Variants in MAP3K9 observed in about 807,000 individuals in gnomAD.
MAP3K9 encodes the protein mitogen-activated protein kinase kinase kinase 9.
MAP3K9 carries 46 observed loss-of-function variants against 95.8 expected under a neutral mutation model. That is an observed-to-expected ratio of 0.48 (90% confidence interval 0.38 to 0.61). The LOEUF (loss-of-function observed/expected upper bound fraction) is 0.61, where lower values mean the gene tolerates loss of function less well. Ranked by LOEUF, MAP3K9 falls within the 20% of genes least tolerant of loss-of-function variation. MAP3K9 has a pLI of 0.00. For missense variants in MAP3K9, 1,296 were observed against 1,474.3 expected (o/e 0.88, Z 1.98); for synonymous variants, 533 against 593.8 (o/e 0.90, Z 1.49).
intron 7 of MAP3K9, 113 bp downstream of exon 7, chr14:70,739,929 G>A: frequency 1.2e-6 from 2 of 1,614,048 alleles, no homozygotes; most frequent in Non-Finnish European, 1.7e-6. Flanking sequence ...TTGTCGAGGA[G>A]AGGTGGCAGA....
Position 70,800,874 on chromosome 14 carries a change from C to A in MAP3K9, c.613G>T (p.Ala205Ser). 2 of 1,614,186 alleles carry A rather than the reference C, an allele frequency of 1.2e-6. No homozygotes were observed. The highest frequency in any genetic ancestry group is 2.2e-5 in the South Asian group (2 of 91,086). The change falls in exon 2 of 12, where the codon GCC becomes TCC. Residue 205 changes from alanine (A) to serine (S), a missense_variant. Physicochemically the swap from Ala to Ser is moderately conservative, Grantham distance 99. Around this residue, in one of 5 missense-constraint regions of MAP3K9, gnomAD observed 338 missense variants for 363.4 expected, o/e 0.93. Coordinates refer to ENST00000554752, the MANE Select transcript of MAP3K9 (RefSeq NM_001284230.2). Reference sequence around the variant, plus strand: ...TCCTTCAGACATACCCCTCTTAGGGCAATGATGTTGGGGTGCTTCAGCATG... The same window carrying A: ...TCCTTCAGACATACCCCTCTTAGGGAAATGATGTTGGGGTGCTTCAGCATG... Reference protein sequence around the residue: ...FAMLKHPNIIALRGVCLKEPN... With the variant: ...FAMLKHPNIISLRGVCLKEPN...
chr14:70,761,849 C>G (rs2054380009), intron 2 of MAP3K9, among the ~76,000 whole-genome samples: 1 of 152,206 alleles, frequency 6.6e-6, no homozygotes, highest in African/African-American at 2.4e-5. Flanking sequence ...CAACTACCAC[C>G]TGTCTAGTTC....
At chr14:70,772,077 A>C (rs2139807225) in intron 2 of MAP3K9, among the ~76,000 whole-genome samples, 1 of 152,198 alleles carries the variant, frequency 6.6e-6, no homozygotes, top group Non-Finnish European at 1.5e-5. Context: ...CAAATGATTC[A>C]CCACCTAGAC....
Position 70,730,352 on chromosome 14 carries a change from C to T in MAP3K9, c.*28G>A, listed in dbSNP as rs746461722. On this transcript the variant is annotated 3_prime_UTR_variant, in exon 12 of 12. Coordinates refer to ENST00000554752, the MANE Select transcript of MAP3K9 (RefSeq NM_001284230.2). ...GCTCCCCTCATCTCCGCTGGCTGTC[C>T]CCCTTGCCCGCCCCAATCCTTTTCG... 1.9e-6 allele frequency: 3 copies of T among 1,582,546 alleles called. No individual in the cohort carries two copies. The highest frequency in any genetic ancestry group is 2.6e-6 in the Non-Finnish European group (3 of 1,158,930).
chr14:70,732,576 G>A lies in MAP3K9; in HGVS notation c.2793C>T (p.Ser931=), dbSNP rs748359666. The change falls in exon 11 of 12, where the codon AGC becomes AGT. Residue 931 remains serine (S), a synonymous_variant. Coordinates refer to ENST00000554752, the MANE Select transcript of MAP3K9 (RefSeq NM_001284230.2). ...LKPETLLASR[S]PSSNGLSPSP... ...TGGGGCTCAACCCATTGCTGGAGGG[G>A]CTCCTGCTGGCTAGGAGAGTCTCTG... 6.3e-7 allele frequency: 1 copy of A among 1,599,958 alleles called. No individual in the cohort carries two copies. The highest frequency in any genetic ancestry group is 1.7e-5 in the Admixed American group (1 of 58,158).
In MAP3K9 at chr14:70,742,494, C is replaced by T. The variant is rs752943272; in HGVS notation, c.1424G>A (p.Arg475Gln). ...LRRREQELAE[R>Q]EIDILERELN... ...CTCCCGTTCCAGGATGTCAATCTCC[C>T]GCTCGGCCAGCTCCTGCTCCCGACG... The change falls in exon 6 of 12, where the codon CGG (arginine) becomes CAG (glutamine). Residue 475 changes from arginine to glutamine, a missense_variant. Arg to Gln is a conservative substitution (Grantham distance 43). Around this residue, in one of 5 missense-constraint regions of MAP3K9, gnomAD observed 377 missense variants for 417.1 expected, o/e 0.90. Transcript: ENST00000554752. 5 of 1,614,202 alleles carry T rather than the reference C, an allele frequency of 3.1e-6. 1 individual carries two copies. Among genetic ancestry groups the T allele is most frequent in the South Asian group, 2.2e-5 (2 of 91,080 alleles).
intron 2 of MAP3K9, among the ~76,000 whole-genome samples, chr14:70,779,409 G>A (rs1040545325): frequency 6.6e-6 from 1 of 152,188 alleles, no homozygotes; most frequent in African/African-American, 2.4e-5. Context: ...CTCAAGTACT[G>A]GGGATGGAAA....
chr14:70,808,780 T>TAGC lies in MAP3K9; in HGVS notation c.389_391dup (p.Cys130dup). 2 of 1,395,178 alleles carry TAGC rather than the reference T, an allele frequency of 1.4e-6. No individual in the cohort carries two copies. Among genetic ancestry groups the TAGC allele is most frequent in the Non-Finnish European group, 1.9e-6 (2 of 1,053,458 alleles). 86.4% of individuals were successfully genotyped at this position (1,395,178 alleles called of 1,614,324 possible). Reference sequence around the variant, plus strand: ...CTTCGCCTTACACTGAATGGGCGGGTAGCAACTGGGGTCCTCGCCGCCGGG... The same window carrying TAGC: ...CTTCGCCTTACACTGAATGGGCGGGTAGCAGCAACTGGGGTCCTCGCCGCCGGG... On this transcript the variant is annotated inframe_insertion, in exon 1 of 12. Coordinates refer to ENST00000554752, the MANE Select transcript of MAP3K9 (RefSeq NM_001284230.2).
rs1041278831 is a variant in MAP3K9 at position 70,727,681 on chromosome 14, G to A, written c.*2699C>T. 1.4e-4 allele frequency: 21 copies of A among 152,354 alleles called. No homozygotes were observed. Among genetic ancestry groups the A allele is most frequent in the African/African-American group, 4.6e-4 (19 of 41,450 alleles). The allele number at this position is 152,354 out of a possible 1,614,324, so 9.4% of individuals were successfully genotyped here. On this transcript the variant is annotated 3_prime_UTR_variant, in exon 12 of 12. Transcript: ENST00000554752. ...CAGTCAGGGGCCCATCAGAGACCAG[G>A]TGTGTAGGAGCTGAGAGATGGTAAC...
At chr14:70,735,195 C>T (rs541994453) in intron 9 of MAP3K9, among the ~76,000 whole-genome samples, 5 of 152,070 alleles carry the variant, frequency 3.3e-5, no homozygotes, top group Non-Finnish European at 5.9e-5. Context: ...TATGGAAAGC[C>T]GGTAACTCTC....
intron 9 of MAP3K9, among the ~76,000 whole-genome samples, chr14:70,735,366 CTTT>C (rs10716151): frequency 5.6e-4 from 79 of 140,078 alleles, no homozygotes; most frequent in Admixed American, 7.8e-4. Context: ...CAGAGTGGCT[CTTT>C]TTTTTTTTTT....
At position 70,729,042 on chromosome 14, in the gene MAP3K9, G is replaced by A. The variant is rs2053858453; in HGVS notation, c.*1338C>T. On this transcript the variant is annotated 3_prime_UTR_variant, in exon 12 of 12. Coordinates refer to ENST00000554752, the MANE Select transcript of MAP3K9 (RefSeq NM_001284230.2). Reference sequence around the variant, plus strand: ...TTCAAGTTAAGGAAACAACTTCCAGGAAGGTCAGGGTTGGCCTCTGCTATC... The same window carrying A: ...TTCAAGTTAAGGAAACAACTTCCAGAAAGGTCAGGGTTGGCCTCTGCTATC... 6.6e-6 allele frequency: 1 copy of A among 152,302 alleles called. No homozygotes were observed. The highest frequency in any genetic ancestry group is 1.5e-5 in the Non-Finnish European group (1 of 68,118). The allele number at this position is 152,302 out of a possible 1,614,324, so 9.4% of individuals were successfully genotyped here. A position where few individuals can be genotyped will look rare whatever the true frequency, so the allele number is the denominator to read the frequency against.
chr14:70,785,824 T>C (rs574567537), intron 2 of MAP3K9, among the ~76,000 whole-genome samples: 41 of 152,332 alleles, frequency 2.7e-4, no homozygotes, highest in African/African-American at 7.9e-4. Flanking sequence ...TGAGACTTCA[T>C]TGCGCTACTC....
chr14:70,785,546 A>G (rs1186157129), intron 2 of MAP3K9, among the ~76,000 whole-genome samples: 1 of 152,100 alleles, frequency 6.6e-6, no homozygotes, highest in Non-Finnish European at 1.5e-5. Flanking sequence ...TTATGAGATG[A>G]AAAAATGGGT....
At chr14:70,744,618 A>G (rs79499212) in intron 5 of MAP3K9, among the ~76,000 whole-genome samples, 1 of 152,242 alleles carries the variant, frequency 6.6e-6, no homozygotes, top group Non-Finnish European at 1.5e-5. Flanking sequence ...ACAAAAGCAT[A>G]GCAAGGAAAA....
At chr14:70,772,200 C>A (rs1411440449) in intron 2 of MAP3K9, among the ~76,000 whole-genome samples, 4 of 152,228 alleles carry the variant, frequency 2.6e-5, no homozygotes, top group Non-Finnish European at 4.4e-5. Context: ...GCACCGGGTT[C>A]CACTGGCACA....
intron 2 of MAP3K9, among the ~76,000 whole-genome samples, chr14:70,799,395 A>T (rs905160760): frequency 6.6e-6 from 1 of 152,190 alleles, no homozygotes; most frequent in Non-Finnish European, 1.5e-5. Context: ...GCTGGAGTGC[A>T]GAGGCACAAT....
intron 2 of MAP3K9, among the ~76,000 whole-genome samples, chr14:70,799,129 T>C (rs1211294938): frequency 3.9e-5 from 6 of 152,174 alleles, no homozygotes; most frequent in Non-Finnish European, 8.8e-5. Flanking sequence ...CTCTTCTTTT[T>C]AGCTGCACTT....
At position 70,767,054 on chromosome 14, in the gene MAP3K9, C is replaced by T. The variant is rs1026662551; in HGVS notation, c.821-5872G>A. 9.2e-5 allele frequency among the ~76,000 whole-genome samples: 14 copies of T among 152,048 alleles called. 1 individual carries two copies. Among genetic ancestry groups the T allele is most frequent in the African/African-American group, 3.1e-4 (13 of 41,380 alleles). ...TTCTTCTGGAACCTATGCCATGTCC[C>T]CTTTAGGAACCAAGCACAGGACCAG... is the stretch of plus-strand genomic sequence containing the variant. On this transcript the variant is annotated intron_variant, in intron 2 of 11. Coordinates refer to ENST00000554752, the MANE Select transcript of MAP3K9 (RefSeq NM_001284230.2).
Sources: allele counts gnomAD v4.1 joint callset (sites outside exome capture counted in the v4.1 genomes callset), GRCh38; gene constraint gnomAD v4.1.1; regional missense constraint gnomAD v4.1.1; transcripts MANE v1.5; gene names NCBI Gene and HGNC (gene_info 2026-07-23, HGNC 2026-07-21).